CYP7B1: variants seen among roughly 807,000 people sequenced by gnomAD.
CYP7B1 encodes cytochrome P450 7B1.
A neutral mutation model predicts 42.7 loss-of-function variants in CYP7B1; 29 were observed. The ratio of observed to expected loss-of-function variants is 0.68; its 90% CI spans 0.51 to 0.93. The LOEUF (loss-of-function observed/expected upper bound fraction) is 0.93. Among genes scored for constraint, CYP7B1 ranks in the 40% least tolerant of loss-of-function variants. The pLI, the probability that CYP7B1 is intolerant of heterozygous loss-of-function variation, is 0.00. For missense variants in CYP7B1, 655 were observed against 600.5 expected (o/e 1.09, Z -0.95); for synonymous variants, 235 against 218.2 (o/e 1.08, Z -0.68).
rs1039114747 is a variant in CYP7B1, at chr8:64,592,226, G to C, written c.*4416C>G. On this transcript the variant is annotated 3_prime_UTR_variant, in exon 6 of 6. Coordinates refer to ENST00000310193, the MANE Select transcript of CYP7B1 (RefSeq NM_004820.5). ...ATGGGATTTTACAATATATAATACA[G>C]TTTTTAAAAATTCTAAGCCTCAATG... Among the ~76,000 whole-genome samples, 1 of 130,510 alleles carries C rather than the reference G, an allele frequency of 7.7e-6. No individual in the cohort carries two copies. The highest frequency in any genetic ancestry group is 1.8e-5 in the Non-Finnish European group (1 of 54,482). 85.6% of individuals were successfully genotyped at this position (130,510 alleles called of 152,430 possible). A position where few individuals can be genotyped will look rare whatever the true frequency, so the allele number is the denominator to read the frequency against.
intron 1 of CYP7B1, among the ~76,000 whole-genome samples, chr8:64,660,348 C>T (rs192299715): frequency 2.0e-5 from 3 of 152,266 alleles, no homozygotes; most frequent in Admixed American, 6.5e-5. Context: ...TATCTCATGA[C>T]GTCTGTGTGT....
At chr8:64,747,090 C>A (rs1454186018) in intron 1 of CYP7B1, among the ~76,000 whole-genome samples, 8 of 150,016 alleles carry the variant, frequency 5.3e-5, no homozygotes, top group African/African-American at 1.9e-4. Context: ...TTGTGAATTA[C>A]AAATTAATTT....
At chr8:64,644,303 T>C (rs1805914510) in intron 1 of CYP7B1, among the ~76,000 whole-genome samples, 1 of 152,036 alleles carries the variant, frequency 6.6e-6, no homozygotes, top group Admixed American at 6.6e-5. Flanking sequence ...GCTATCAACT[T>C]TTTCAAAACT....
intron 1 of CYP7B1, among the ~76,000 whole-genome samples, chr8:64,683,121 T>G (rs1223762053): frequency 6.6e-6 from 1 of 152,228 alleles, no homozygotes; most frequent in African/African-American, 2.4e-5. Context: ...CACAGCAGCC[T>G]TTCTCTGGTC....
chr8:64,667,597 A>G (rs1806301060), intron 1 of CYP7B1, among the ~76,000 whole-genome samples: 1 of 152,160 alleles, frequency 6.6e-6, no homozygotes, highest in East Asian at 1.9e-4. Context: ...GCATAATGTG[A>G]TAATTTATTA....
chr8:64,681,675 G>C (rs1386198365), intron 1 of CYP7B1, among the ~76,000 whole-genome samples: 3 of 152,184 alleles, frequency 2.0e-5, no homozygotes, highest in African/African-American at 4.8e-5. Flanking sequence ...GCAAGGAACA[G>C]AGGCCTGCTA....
At chr8:64,685,764 G>T (rs1432984608) in intron 1 of CYP7B1, among the ~76,000 whole-genome samples, 1 of 59,224 alleles carries the variant, frequency 1.7e-5, no homozygotes, top group African/African-American at 5.0e-5. Flanking sequence ...ACCCCATCCG[G>T]GAGGGAGGTG....
At chr8:64,608,155 G>A (rs1266764996) in intron 4 of CYP7B1, among the ~76,000 whole-genome samples, 1 of 152,156 alleles carries the variant, frequency 6.6e-6, no homozygotes. Context: ...AAATGCCAGG[G>A]AATGTCTTGA....
intron 1 of CYP7B1, among the ~76,000 whole-genome samples, chr8:64,733,564 G>A (rs4737200): frequency 1.3e-5 from 2 of 152,182 alleles, no homozygotes; most frequent in Admixed American, 1.3e-4. Context: ...CCATACGCTA[G>A]TACTGCTTGC....
chr8:64,651,775 T>A (rs1313645323), intron 1 of CYP7B1, among the ~76,000 whole-genome samples: 1 of 152,178 alleles, frequency 6.6e-6, no homozygotes, highest in Admixed American at 6.5e-5. Flanking sequence ...AGACACCAAA[T>A]CTGGTGCTGC....
chr8:64,670,270 G>A (rs1240192592), intron 1 of CYP7B1, among the ~76,000 whole-genome samples: 1 of 152,066 alleles, frequency 6.6e-6, no homozygotes, highest in African/African-American at 2.4e-5. Flanking sequence ...TTACACCAAT[G>A]TTCCTATTCA....
chr8:64,612,119 C>A (rs1320512850), intron 4 of CYP7B1, among the ~76,000 whole-genome samples: 1 of 151,834 alleles, frequency 6.6e-6, no homozygotes, highest in East Asian at 1.9e-4. Flanking sequence ...TTATCTTTGT[C>A]TTTCTGAATT....
intron 1 of CYP7B1, among the ~76,000 whole-genome samples, chr8:64,792,267 A>T (rs1342189399): frequency 6.6e-6 from 1 of 152,182 alleles, no homozygotes; most frequent in Admixed American, 6.5e-5. Context: ...ATGTGAAAGG[A>T]AAGAGAGAGA....
chr8:64,658,092 C>A (rs1806147788), intron 1 of CYP7B1, among the ~76,000 whole-genome samples: 1 of 152,112 alleles, frequency 6.6e-6, no homozygotes. Flanking sequence ...TATTCCCATT[C>A]AAGAGAGCTC....
At chr8:64,726,831 C>T (rs572370817) in intron 1 of CYP7B1, among the ~76,000 whole-genome samples, 6 of 152,266 alleles carry the variant, frequency 3.9e-5, no homozygotes, top group South Asian at 2.1e-4. Context: ...CACCCCACCC[C>T]GATTTTGTGG....
At chr8:64,768,579 T>C (rs892792494) in intron 1 of CYP7B1, among the ~76,000 whole-genome samples, 1 of 152,178 alleles carries the variant, frequency 6.6e-6, no homozygotes, top group Admixed American at 6.5e-5. Context: ...AAAGAGATCG[T>C]TCACTTAGAG....
chr8:64,770,571 C>T (rs998938595), intron 1 of CYP7B1, among the ~76,000 whole-genome samples: 1 of 152,184 alleles, frequency 6.6e-6, no homozygotes, highest in Non-Finnish European at 1.5e-5. Flanking sequence ...AAAAATAAAA[C>T]TATTGAACAA....
intron 1 of CYP7B1, among the ~76,000 whole-genome samples, chr8:64,736,962 T>C (rs1324692618): frequency 1.3e-5 from 2 of 152,202 alleles, no homozygotes; most frequent in Non-Finnish European, 2.9e-5. Flanking sequence ...TCTACCCTTA[T>C]ATTCTTGGCA....
chr8:64,657,802 T>C (rs991190998), intron 1 of CYP7B1, among the ~76,000 whole-genome samples: 4 of 152,190 alleles, frequency 2.6e-5, no homozygotes, highest in African/African-American at 9.7e-5. Flanking sequence ...CTTTGCACAG[T>C]AGTAGAGGAT....
Sources: allele counts gnomAD v4.1 joint callset (sites outside exome capture counted in the v4.1 genomes callset), GRCh38; gene constraint gnomAD v4.1.1; transcripts MANE v1.5; gene names NCBI Gene and HGNC (gene_info 2026-07-23, HGNC 2026-07-21).